Variants in ANKRD18A observed in about 807,000 individuals in gnomAD.
ANKRD18A encodes the protein ankyrin repeat domain-containing protein 18A.
A neutral mutation model predicts 110.6 loss-of-function variants in ANKRD18A; 72 were observed. The ratio of observed to expected loss-of-function variants is 0.65; its 90% CI spans 0.54 to 0.79. The LOEUF (loss-of-function observed/expected upper bound fraction) is 0.79. Among genes scored for constraint, ANKRD18A ranks in the 30% least tolerant of loss-of-function variants. The probability of loss-of-function intolerance (pLI) is 0.00; values close to 1 mark genes in which losing one functional copy is unlikely to be tolerated. For synonymous variants in ANKRD18A, 305 were observed against 410.3 expected (o/e 0.74, Z 3.10); for missense variants, 934 against 1,163.3 (o/e 0.80, Z 2.87).
chr9:38,615,985 T>C lies in ANKRD18A; in HGVS notation c.266A>G (p.His89Arg), dbSNP rs1436836469. The C allele has an allele frequency of 1.3e-6, 2 of 1,593,212 alleles. No homozygotes were observed. The highest frequency in any genetic ancestry group is 2.2e-5 in the East Asian group (1 of 44,460). ...GRVQVVTLLL[H>R]RRCQIDICDR... ...ACAGATGTCGATCTGGCATCTTCTG[T>C]GCAGCAAGAGAGTGACCACTTGCAC... The change falls in exon 2 of 16, where the codon CAC becomes CGC. Residue 89 changes from histidine to arginine, a missense_variant. This residue lies in a region of ANKRD18A where 630 missense variants were observed against 797.5 expected (regional missense o/e 0.79). Coordinates refer to ENST00000399703, the MANE Select transcript of ANKRD18A (RefSeq NM_147195.4).
chr9:38,579,071 T>C (rs974928456), intron 12 of ANKRD18A, among the ~76,000 whole-genome samples: 1 of 152,028 alleles, frequency 6.6e-6, no homozygotes, highest in African/African-American at 2.4e-5. Context: ...TGGAATAAGG[T>C]GCCAAGAACA....
At position 38,620,416 on chromosome 9, in the gene ANKRD18A, C is replaced by A; in HGVS notation, c.-131G>T. The A allele has an allele frequency of 7.4e-7, 1 of 1,350,606 alleles. No individual in the cohort carries two copies. Among genetic ancestry groups the A allele is most frequent in the Non-Finnish European group, 9.8e-7 (1 of 1,015,384 alleles). The allele number at this position is 1,350,606 out of a possible 1,614,324, so 83.7% of individuals were successfully genotyped here. ...GCGATCCCCCCCGCAACCCGCGATC[C>A]ACCCCCAAATCCAAGATCCACCCCC... is the stretch of plus-strand genomic sequence containing the variant. On this transcript the variant is annotated 5_prime_UTR_variant, in exon 1 of 16. Coordinates refer to ENST00000399703, the MANE Select transcript of ANKRD18A (RefSeq NM_147195.4).
intron 15 of ANKRD18A, chr9:38,573,190 G>T: frequency 1.1e-6 from 1 of 911,916 alleles, no homozygotes; most frequent in Non-Finnish European, 1.5e-6. Context: ...ATTATCATGA[G>T]ATTAATATAT....
rs191712731 is a variant in ANKRD18A at position 38,589,636 on chromosome 9, C to T, written c.2005-973G>A. Among the ~76,000 whole-genome samples the T allele has an allele frequency of 2.0e-5, 3 of 152,338 alleles. No homozygotes were observed. The East Asian group carries it at 5.8e-4, about 29-fold the overall frequency. On this transcript the variant is annotated intron_variant, in intron 10 of 15. Coordinates refer to ENST00000399703, the MANE Select transcript of ANKRD18A (RefSeq NM_147195.4). ...GAGTACACTCGATAAAGATATCTTC[C>T]TGTGTACACCCCAAGGTCTCTCTCT... is the stretch of plus-strand genomic sequence containing the variant.
At chr9:38,585,748 T>TG (rs1451850915) in intron 12 of ANKRD18A, among the ~76,000 whole-genome samples, 4 of 152,126 alleles carry the variant, frequency 2.6e-5, no homozygotes, top group African/African-American at 9.7e-5. Flanking sequence ...AGCAAAGACA[T>TG]GGAATCAACC....
intron 11 of ANKRD18A, among the ~76,000 whole-genome samples, chr9:38,586,762 CCA>C (rs1347880463): frequency 2.0e-5 from 3 of 152,034 alleles, no homozygotes; most frequent in Non-Finnish European, 2.9e-5. Context: ...ATGGGGTTCA[CCA>C]TGTTGGTCAG....
At chr9:38,584,527 T>C (rs1482005674) in intron 12 of ANKRD18A, among the ~76,000 whole-genome samples, 3 of 152,156 alleles carry the variant, frequency 2.0e-5, no homozygotes, top group African/African-American at 7.2e-5. Context: ...TTGTATATTT[T>C]AAATGAGTGA....
At chr9:38,571,099 G>T (rs1282704235), downstream of ANKRD18A, 46 of 1,518,774 alleles carry the variant, frequency 3.0e-5, no homozygotes, top group Non-Finnish European at 3.9e-5. Flanking sequence ...CAGCTAGAAG[G>T]CCCTTTGCTA....
intron 12 of ANKRD18A, among the ~76,000 whole-genome samples, chr9:38,582,244 T>C (rs181536909): frequency 2.0e-5 from 3 of 152,226 alleles, no homozygotes; most frequent in Admixed American, 2.0e-4. Flanking sequence ...AATGAAACTA[T>C]AGAGGGAGGC....
At chr9:38,611,752 G>A (rs1277348691) in intron 3 of ANKRD18A, among the ~76,000 whole-genome samples, 2 of 152,166 alleles carry the variant, frequency 1.3e-5, no homozygotes, top group Non-Finnish European at 2.9e-5. Context: ...CTCTAGAGAA[G>A]TGTTTCTTAA....
Position 38,596,284 on chromosome 9 carries a change from T to A in ANKRD18A, c.1056A>T (p.Glu352Asp), listed in dbSNP as rs1416313630. The A allele has an allele frequency of 1.9e-6, 3 of 1,538,780 alleles. No homozygotes were observed. The South Asian group carries it at 3.8e-5, about 19-fold the overall frequency. ...TTTTAATTTCCTGAATATATTTCTT[T>A]TCCTTTCTGAGACTGTCATTTTTTA... ...YAIKNDSLRK[E>D]KKYIQEIKSI... is the part of the protein sequence containing the mutation. The change falls in exon 9 of 16, where the codon GAA becomes GAT. Residue 352 changes from glutamate to aspartate, a missense_variant. By Grantham distance (45) the Glu-to-Asp change is conservative. Around this residue, in one of 4 missense-constraint regions of ANKRD18A, gnomAD observed 630 missense variants for 797.5 expected, o/e 0.79. Coordinates refer to ENST00000399703, the MANE Select transcript of ANKRD18A (RefSeq NM_147195.4).
chr9:38,597,836 C>T (rs533088611), intron 8 of ANKRD18A, among the ~76,000 whole-genome samples: 20 of 152,158 alleles, frequency 1.3e-4, no homozygotes, highest in South Asian at 6.2e-4. Context: ...TGAGGAGTTA[C>T]GCTACTTATA....
chr9:38,573,432 A>C (rs560900813), intron 15 of ANKRD18A, among the ~76,000 whole-genome samples: 14 of 152,310 alleles, frequency 9.2e-5, no homozygotes, highest in Non-Finnish European at 2.1e-4. Context: ...AAGGTTAAAC[A>C]ATGGCCGGGC....
chr9:38,618,327 A>C (rs1051037508), intron 1 of ANKRD18A, among the ~76,000 whole-genome samples: 2 of 152,176 alleles, frequency 1.3e-5, no homozygotes, highest in Non-Finnish European at 2.9e-5. Flanking sequence ...ATTGCCTAAC[A>C]CCAGACCATA....
At chr9:38,585,578 A>T (rs1431696079) in intron 12 of ANKRD18A, among the ~76,000 whole-genome samples, 1 of 152,134 alleles carries the variant, frequency 6.6e-6, no homozygotes, top group African/African-American at 2.4e-5. Context: ...ACCTCCTTAG[A>T]TGTATTTTGG....
downstream of ANKRD18A, chr9:38,568,771 C>G: frequency 2.0e-6 from 2 of 985,396 alleles, no homozygotes; most frequent in Non-Finnish European, 2.4e-6. Context: ...GCTGAGTCCC[C>G]TGGGTGGTAA....
intron 15 of ANKRD18A, 172 bp from the exon 16 acceptor site, chr9:38,572,231 C>A: frequency 4.2e-6 from 2 of 476,820 alleles, no homozygotes; most frequent in Non-Finnish European, 7.4e-6. Flanking sequence ...GCGTTAATTC[C>A]AATTGTGGTT....
intron 6 of ANKRD18A, 113 bp from the exon 7 acceptor site, chr9:38,603,325 T>C: frequency 1.4e-6 from 2 of 1,448,302 alleles, no homozygotes; most frequent in Non-Finnish European, 9.3e-7. Flanking sequence ...CCTACCCATC[T>C]TTTTTAGAAG....
intron 3 of ANKRD18A, among the ~76,000 whole-genome samples, chr9:38,613,415 G>C (rs908004611): frequency 6.6e-6 from 1 of 152,048 alleles, no homozygotes; most frequent in African/African-American, 2.4e-5. Flanking sequence ...CTAAATGATT[G>C]TGTATAAACC....
Sources: allele counts gnomAD v4.1 joint callset (sites outside exome capture counted in the v4.1 genomes callset), GRCh38; gene constraint gnomAD v4.1.1; regional missense constraint gnomAD v4.1.1; transcripts MANE v1.5; gene names NCBI Gene and HGNC (gene_info 2026-07-23, HGNC 2026-07-21).